The following ARHGAP26 variants were observed in gnomAD, a reference collection of about 807,000 sequenced individuals.
ARHGAP26 encodes rho GTPase-activating protein 26.
ARHGAP26 carries 38 observed loss-of-function variants against 104.8 expected under a neutral mutation model. That is an observed-to-expected ratio of 0.36 (90% CI 0.28 to 0.48). The LOEUF (loss-of-function observed/expected upper bound fraction) is 0.48, where lower values mean the gene tolerates loss of function less well. Among genes scored for constraint, ARHGAP26 ranks in the 20% least tolerant of loss-of-function variants. The pLI, the probability that ARHGAP26 is intolerant of heterozygous loss-of-function variation, is 0.99. For synonymous variants in ARHGAP26, 341 were observed against 340.0 expected (o/e 1.00, Z -0.03); for missense variants, 704 against 947.9 (o/e 0.74, Z 3.38).
At chr5:143,130,657 T>C (rs1797226316) in intron 18 of ARHGAP26, among the ~76,000 whole-genome samples, 2 of 152,220 alleles carry the variant, frequency 1.3e-5, no homozygotes, top group Non-Finnish European at 2.9e-5. Flanking sequence ...ACCAACAAAG[T>C]TGTGAATAAT....
At chr5:143,064,595 T>G (rs1334512030) in intron 17 of ARHGAP26, among the ~76,000 whole-genome samples, 1 of 152,080 alleles carries the variant, frequency 6.6e-6, no homozygotes, top group African/African-American at 2.4e-5. Context: ...GAAAATCTAT[T>G]TAAAGGGACA....
At chr5:142,806,449 G>A (rs568119571) in intron 1 of ARHGAP26, among the ~76,000 whole-genome samples, 335 of 148,244 alleles carry the variant, frequency 2.3e-3, no homozygotes, top group African/African-American at 7.9e-3. Context: ...GTTGTACATG[G>A]CATAATAAGT....
At chr5:142,884,405 G>T (rs561126789) in intron 4 of ARHGAP26, among the ~76,000 whole-genome samples, 1 of 152,248 alleles carries the variant, frequency 6.6e-6, no homozygotes, top group Admixed American at 6.5e-5. Context: ...ATTAATTATG[G>T]TAATTATTTT....
At chr5:143,043,513 T>C (rs246661) in intron 14 of ARHGAP26, among the ~76,000 whole-genome samples, 34,745 of 152,176 alleles carry the variant, frequency 0.23, 4,155 homozygotes, top group South Asian at 0.32. Context: ...AATTTTCATA[T>C]ATAGTTTCTG....
chr5:143,166,006 T>G (rs1485835186), intron 20 of ARHGAP26: 1 of 1,311,480 alleles, frequency 7.6e-7, no homozygotes, highest in South Asian at 1.3e-5. Flanking sequence ...GTAATTATGG[T>G]CATCGTTGCT....
At chr5:143,034,952 T>C (rs1458220133) in intron 12 of ARHGAP26, among the ~76,000 whole-genome samples, 1 of 152,192 alleles carries the variant, frequency 6.6e-6, no homozygotes, top group Non-Finnish European at 1.5e-5. Context: ...TTATTTATAC[T>C]GGGAAAAACA....
intron 20 of ARHGAP26, among the ~76,000 whole-genome samples, chr5:143,167,840 C>G (rs1208534960): frequency 1.3e-5 from 2 of 152,144 alleles, no homozygotes; most frequent in Non-Finnish European, 2.9e-5. Flanking sequence ...ATAGTGGAAG[C>G]ATTTTTTGAG....
chr5:142,964,491 A>C (rs1237955131), intron 11 of ARHGAP26, among the ~76,000 whole-genome samples: 1 of 152,104 alleles, frequency 6.6e-6, no homozygotes, highest in Non-Finnish European at 1.5e-5. Context: ...TTCTAGCTAG[A>C]TACTTTGGCT....
chr5:142,818,804 G>GTAC (rs1765587891), intron 1 of ARHGAP26, among the ~76,000 whole-genome samples: 3 of 152,096 alleles, frequency 2.0e-5, no homozygotes, highest in African/African-American at 7.2e-5. Context: ...AGAGCTCCAG[G>GTAC]TACCCTCCTG....
intron 1 of ARHGAP26, among the ~76,000 whole-genome samples, chr5:142,830,360 G>T (rs1768153496): frequency 6.6e-6 from 1 of 152,144 alleles, no homozygotes; most frequent in South Asian, 2.1e-4. Flanking sequence ...AGTGACTATG[G>T]CAATGATTAA....
chr5:142,955,118 ACACACACC>A (rs1488862498), intron 11 of ARHGAP26, among the ~76,000 whole-genome samples: 2 of 151,438 alleles, frequency 1.3e-5, no homozygotes, highest in East Asian at 1.9e-4. Context: ...ACACACACAC[ACACACACC>A]CCCCATCTCT....
chr5:143,187,030 TA>T (rs1805253323), intron 20 of ARHGAP26, among the ~76,000 whole-genome samples: 1 of 152,232 alleles, frequency 6.6e-6, no homozygotes, highest in South Asian at 2.1e-4. Context: ...TTATAACAGC[TA>T]CCATTTAGTA....
In ARHGAP26 at chr5:142,923,602, T is replaced by A. The variant is rs560455105; in HGVS notation, c.1029-8445T>A. Among the ~76,000 whole-genome samples, 26 of 152,294 alleles carry A rather than the reference T, an allele frequency of 1.7e-4. No individual in the cohort carries two copies. The South Asian group carries it at 5.4e-3, about 32-fold the overall frequency. ...ACCTAGCATGATGACTGGCACATAA[T>A]AGGAACTCAGTCAATATCTGTTGCA... On this transcript the variant is annotated intron_variant, in intron 10 of 22. Transcript: ENST00000645722.
chr5:142,977,735 C>T (rs933108551), intron 11 of ARHGAP26, among the ~76,000 whole-genome samples: 2 of 152,216 alleles, frequency 1.3e-5, no homozygotes, highest in Non-Finnish European at 2.9e-5. Context: ...ACATTTCACA[C>T]TGCCTCCCCA....
intron 11 of ARHGAP26, among the ~76,000 whole-genome samples, chr5:142,973,077 C>G (rs1772515841): frequency 6.6e-6 from 1 of 151,946 alleles, no homozygotes; most frequent in Non-Finnish European, 1.5e-5. Flanking sequence ...GGTAATTCCC[C>G]CTAGTCCAGT....
At chr5:143,174,236 ACAT>A (rs1803170089) in intron 20 of ARHGAP26, among the ~76,000 whole-genome samples, 1 of 152,238 alleles carries the variant, frequency 6.6e-6, no homozygotes, top group Admixed American at 6.5e-5. Flanking sequence ...ATGTTGTTGT[ACAT>A]CTCCACAATG....
intron 11 of ARHGAP26, among the ~76,000 whole-genome samples, chr5:143,000,798 G>A (rs1354200873): frequency 6.6e-6 from 1 of 152,188 alleles, no homozygotes; most frequent in African/African-American, 2.4e-5. Context: ...AATACTACAT[G>A]TTCTCACTCA....
chr5:143,128,654 C>G (rs1796981973), intron 18 of ARHGAP26, among the ~76,000 whole-genome samples: 1 of 152,204 alleles, frequency 6.6e-6, no homozygotes. Flanking sequence ...CCACGCAGTC[C>G]TCGGTCCCAT....
chr5:143,063,454 A>G (rs1165984300), intron 17 of ARHGAP26, among the ~76,000 whole-genome samples: 1 of 152,170 alleles, frequency 6.6e-6, no homozygotes, highest in African/African-American at 2.4e-5. Flanking sequence ...CTTCAAAGGC[A>G]GCTTCCCCAT....
Sources: gnomAD v4.1 joint callset for allele counts (sites outside exome capture counted in the v4.1 genomes callset) on GRCh38, gnomAD v4.1.1 for gene constraint, MANE v1.5 for transcripts, NCBI Gene and HGNC (gene_info 2026-07-23, HGNC 2026-07-21) for gene names.